Variants in BMPR2 observed in about 807,000 individuals in gnomAD.
BMPR2 encodes the protein bone morphogenetic protein receptor type 2.
A neutral mutation model predicts 100.8 loss-of-function variants in BMPR2; 29 were observed. That is an observed-to-expected ratio of 0.29 (90% CI 0.21 to 0.39). The LOEUF (loss-of-function observed/expected upper bound fraction) is 0.39, where lower values mean the gene tolerates loss of function less well. Among genes scored for constraint, BMPR2 ranks in the 10% least tolerant of loss-of-function variants. The pLI, the probability that BMPR2 is intolerant of heterozygous loss-of-function variation, is 1.00. For missense variants in BMPR2, 1,011 were observed against 1,274.5 expected (o/e 0.79, Z 3.15); for synonymous variants, 382 against 442.3 (o/e 0.86, Z 1.71).
intron 10 of BMPR2, among the ~76,000 whole-genome samples, chr2:202,548,187 A>T (rs1467438579): frequency 6.6e-6 from 1 of 152,150 alleles, no homozygotes; most frequent in Non-Finnish European, 1.5e-5. Flanking sequence ...TTCTTTTCAC[A>T]TAGTTTTAGT....
chr2:202,449,308 CAAATAAAT>C (rs200671172), intron 1 of BMPR2, among the ~76,000 whole-genome samples: 7,234 of 143,012 alleles, frequency 0.051, 567 homozygotes, highest in African/African-American at 0.17. Context: ...AACTCCATCT[CAAATAAAT>C]AAATAAATAA....
chr2:202,410,889 T>A (rs1024649243), intron 1 of BMPR2, among the ~76,000 whole-genome samples: 1 of 152,130 alleles, frequency 6.6e-6, no homozygotes, highest in African/African-American at 2.4e-5. Flanking sequence ...TTTTTATTTT[T>A]AAAAATAATA....
intron 1 of BMPR2, among the ~76,000 whole-genome samples, chr2:202,420,434 T>G (rs6747299): frequency 0.5 from 76,309 of 151,794 alleles, 19,772 homozygotes; most frequent in African/African-American, 0.61. Flanking sequence ...ACAGTTAAGG[T>G]TTTTGGGTTT....
chr2:202,514,808 AGT>A, intron 4 of BMPR2, 78 bp from the exon 5 acceptor site: 1 of 1,117,998 alleles, frequency 8.9e-7, no homozygotes, highest in South Asian at 1.3e-5. Context: ...CTTCTTTTTA[AGT>A]GTAATATTAT....
At chr2:202,559,632 C>G (rs1252691718) in intron 12 of BMPR2, 64 bp from the exon 13 acceptor site, 2 of 1,556,992 alleles carry the variant, frequency 1.3e-6, no homozygotes, top group Non-Finnish European at 1.8e-6. Context: ...TCTTGAGTTA[C>G]ATCCCTTACC....
chr2:202,567,683 T>C lies in BMPR2; in HGVS notation c.*7737T>C, dbSNP rs935278470. ...AGAAGGAGATTTTAAGGCAGTTCTT[T>C]AGGTTTAAAAAGGCTTGCTGTAAAA... On this transcript the variant is annotated 3_prime_UTR_variant, in exon 13 of 13. Transcript: ENST00000374580. 2 of 152,618 alleles carry C rather than the reference T, an allele frequency of 1.3e-5. No individual in the cohort carries two copies. Among genetic ancestry groups the C allele is most frequent in the African/African-American group, 4.8e-5 (2 of 41,460 alleles). The allele number at this position is 152,618 out of a possible 1,614,324, so 9.5% of individuals were successfully genotyped here. A position where few individuals can be genotyped will look rare whatever the true frequency, so the allele number is the denominator to read the frequency against.
chr2:202,425,039 A>G (rs1434000415), intron 1 of BMPR2, among the ~76,000 whole-genome samples: 2 of 151,556 alleles, frequency 1.3e-5, no homozygotes, highest in African/African-American at 2.4e-5. Context: ...GCTCACTGCA[A>G]CCTCCACCTC....
At chr2:202,483,227 TAGG>T (rs1019661651) in intron 3 of BMPR2, among the ~76,000 whole-genome samples, 2 of 152,288 alleles carry the variant, frequency 1.3e-5, no homozygotes, top group East Asian at 1.9e-4. Flanking sequence ...TGTTAAGTTG[TAGG>T]AGTTCTTTAT....
intron 1 of BMPR2, among the ~76,000 whole-genome samples, chr2:202,412,047 T>A (rs553123676): frequency 6.6e-6 from 1 of 152,318 alleles, no homozygotes; most frequent in East Asian, 1.9e-4. Context: ...CAAGTGATTA[T>A]GTAAGGTTTG....
At chr2:202,417,533 C>T (rs1691159553) in intron 1 of BMPR2, among the ~76,000 whole-genome samples, 1 of 151,150 alleles carries the variant, frequency 6.6e-6, no homozygotes, top group African/African-American at 2.4e-5. Context: ...AAACTCCCGA[C>T]CTCAGGTGAT....
chr2:202,525,164 G>T (rs1272762190), intron 7 of BMPR2, among the ~76,000 whole-genome samples: 1 of 151,688 alleles, frequency 6.6e-6, no homozygotes, highest in African/African-American at 2.4e-5. Context: ...TAATTTTTGT[G>T]GGTACATAGT....
chr2:202,500,372 T>C (rs1452801781), intron 3 of BMPR2, among the ~76,000 whole-genome samples: 6 of 152,164 alleles, frequency 3.9e-5, no homozygotes, highest in South Asian at 2.1e-4. Flanking sequence ...CACACCGTTA[T>C]TAGGGAGGGA....
intron 1 of BMPR2, among the ~76,000 whole-genome samples, chr2:202,432,705 C>T (rs1389215262): frequency 6.7e-6 from 1 of 150,318 alleles, no homozygotes; most frequent in Non-Finnish European, 1.5e-5. Flanking sequence ...CTAAAATGAT[C>T]CTAGATTAGA....
chr2:202,392,430 A>G lies in BMPR2; in HGVS notation c.76+14880A>G, dbSNP rs78136937. Among the ~76,000 whole-genome samples, 874 of 150,790 alleles carry G rather than the reference A, an allele frequency of 5.8e-3. 19 individuals carry two copies. The East Asian group carries it at 0.074, about 13-fold the overall frequency. ...TCTTACATAGTCAAGTTGTCTTCTC[A>G]TCACTGAATTCCAAATAAAGAAAGT... On this transcript the variant is annotated intron_variant, in intron 1 of 12. Coordinates refer to ENST00000374580, the MANE Select transcript of BMPR2 (RefSeq NM_001204.7).
In BMPR2 at chr2:202,518,805, C is replaced by T. The variant is rs776109193; in HGVS notation, c.622-17C>T. 2.5e-6 allele frequency: 4 copies of T among 1,607,028 alleles called. No homozygotes were observed. In the African/African-American group the frequency reaches 4.0e-5, roughly 16 times the overall value. On this transcript the variant is annotated splice_polypyrimidine_tract_variant and intron_variant, in intron 5 of 12. Coordinates refer to ENST00000374580, the MANE Select transcript of BMPR2 (RefSeq NM_001204.7). ...AATTGTGATATTAATACCTTGCTTT[C>T]TTTAAAACACTTGCAGCTGATTGGC...
intron 1 of BMPR2, among the ~76,000 whole-genome samples, chr2:202,416,822 CTTTTTT>C (rs1691138038): frequency 6.6e-6 from 1 of 151,314 alleles, no homozygotes; most frequent in Non-Finnish European, 1.5e-5. Context: ...CAACAAAGGA[CTTTTTT>C]CTTTTTCTTT....
At chr2:202,395,262 A>T (rs914300672) in intron 1 of BMPR2, among the ~76,000 whole-genome samples, 1 of 152,150 alleles carries the variant, frequency 6.6e-6, no homozygotes, top group Non-Finnish European at 1.5e-5. Context: ...TTGCCTTTCA[A>T]CTTTTAAATT....
At chr2:202,455,002 C>A (rs1692064553) in intron 1 of BMPR2, among the ~76,000 whole-genome samples, 1 of 152,128 alleles carries the variant, frequency 6.6e-6, no homozygotes, top group Non-Finnish European at 1.5e-5. Flanking sequence ...AGGAAGCAAG[C>A]TCTGCAGTGT....
chr2:202,387,510 C>T (rs1032359152), intron 1 of BMPR2, among the ~76,000 whole-genome samples: 2 of 152,156 alleles, frequency 1.3e-5, no homozygotes, highest in Non-Finnish European at 2.9e-5. Flanking sequence ...GTATAAAATA[C>T]TTGGAATCTT....
Sources: allele counts gnomAD v4.1 joint callset (sites outside exome capture counted in the v4.1 genomes callset), GRCh38; gene constraint gnomAD v4.1.1; transcripts MANE v1.5; gene names NCBI Gene and HGNC (gene_info 2026-07-23, HGNC 2026-07-21).